FANCC: variants seen among roughly 807,000 people sequenced by gnomAD.
FANCC encodes FA complementation group C.
FANCC carries 55 observed loss-of-function variants against 71.3 expected under a neutral mutation model. The ratio of observed to expected loss-of-function variants is 0.77; its 90% confidence interval spans 0.62 to 0.97. The LOEUF (loss-of-function observed/expected upper bound fraction) is 0.97. Among genes scored for constraint, FANCC ranks in the 50% least tolerant of loss-of-function variants. The probability of loss-of-function intolerance (pLI) is 0.00; values close to 1 mark genes in which losing one functional copy is unlikely to be tolerated. For synonymous variants in FANCC, 275 were observed against 244.9 expected (o/e 1.12, Z -1.15); for missense variants, 678 against 670.9 (o/e 1.01, Z -0.12).
At chr9:95,129,295 AC>A (rs1161489794) in intron 8 of FANCC, among the ~76,000 whole-genome samples, 1 of 152,212 alleles carries the variant, frequency 6.6e-6, no homozygotes, top group Admixed American at 6.5e-5. Flanking sequence ...GGACTAGAGT[AC>A]TACAGGTCAG....
At position 95,099,342 on chromosome 9, in the gene FANCC, CA is replaced by C. The variant is rs2071005921; in HGVS notation, c.*2364del. Reference sequence around the variant, plus strand: ...CTGAAGACCTTGGTCCAGTTCCTTCCAGGGTGGCTTCACGCCTTGCCATCCC... The same window carrying C: ...CTGAAGACCTTGGTCCAGTTCCTTCCGGGTGGCTTCACGCCTTGCCATCCC... On this transcript the variant is annotated 3_prime_UTR_variant, in exon 15 of 15. Transcript: ENST00000289081. The C allele has an allele frequency of 4.4e-6, 1 of 227,744 alleles. No homozygotes were observed. The highest frequency in any genetic ancestry group is 8.7e-6 in the Non-Finnish European group (1 of 114,770). The allele number at this position is 227,744 out of a possible 1,614,324, so 14.1% of individuals were successfully genotyped here. A position where few individuals can be genotyped will look rare whatever the true frequency, so the allele number is the denominator to read the frequency against.
intron 10 of FANCC, chr9:95,123,804 G>A (rs1166284273): frequency 1.0e-5 from 7 of 693,808 alleles, no homozygotes; most frequent in Non-Finnish European, 1.9e-5. Context: ...CACAAGGACT[G>A]AACACCCCTA....
At chr9:95,240,498 A>G (rs1371099349) in intron 4 of FANCC, 151 bp downstream of exon 4, 1 of 623,040 alleles carries the variant, frequency 1.6e-6, no homozygotes, top group Non-Finnish European at 2.9e-6. Flanking sequence ...CTTTTTACTC[A>G]GCAAGATAAT....
chr9:95,284,939 C>T (rs905026767), intron 1 of FANCC, among the ~76,000 whole-genome samples: 5 of 151,060 alleles, frequency 3.3e-5, no homozygotes, highest in South Asian at 2.1e-4. Flanking sequence ...GAGAGAGACA[C>T]GCACACACAC....
chr9:95,122,944 G>T (rs1179734780), intron 10 of FANCC, among the ~76,000 whole-genome samples: 1 of 152,186 alleles, frequency 6.6e-6, no homozygotes, highest in Non-Finnish European at 1.5e-5. Flanking sequence ...CATGGATAGC[G>T]CAGCTTGCTA....
At chr9:95,128,609 TACTC>T (rs1332339468) in intron 8 of FANCC, among the ~76,000 whole-genome samples, 22 of 152,314 alleles carry the variant, frequency 1.4e-4, no homozygotes, top group Middle Eastern at 3.4e-3. Context: ...AGACAGCTCT[TACTC>T]AGTTTGTTAG....
At chr9:95,206,986 C>A (rs553353643) in intron 4 of FANCC, among the ~76,000 whole-genome samples, 1 of 152,090 alleles carries the variant, frequency 6.6e-6, no homozygotes, top group East Asian at 1.9e-4. Flanking sequence ...AATGGGAGTA[C>A]AACCAAACCC....
chr9:95,259,553 A>G (rs1831893524), intron 1 of FANCC, among the ~76,000 whole-genome samples: 1 of 152,232 alleles, frequency 6.6e-6, no homozygotes, highest in Non-Finnish European at 1.5e-5. Context: ...AAGATGCATT[A>G]AAGACTTAAA....
intron 4 of FANCC, among the ~76,000 whole-genome samples, chr9:95,174,225 G>A (rs991572864): frequency 1.3e-5 from 2 of 152,038 alleles, no homozygotes; most frequent in Non-Finnish European, 2.9e-5. Flanking sequence ...GCCCTCTAGA[G>A]GAAACGGACA....
intron 1 of FANCC, among the ~76,000 whole-genome samples, chr9:95,263,506 A>G (rs1388010682): frequency 6.8e-6 from 1 of 147,464 alleles, no homozygotes; most frequent in East Asian, 2.0e-4. Flanking sequence ...GTATGTGTAT[A>G]TATATATATA....
intron 14 of FANCC, among the ~76,000 whole-genome samples, chr9:95,104,380 C>T (rs1161158745): frequency 2.0e-5 from 3 of 152,192 alleles, no homozygotes; most frequent in Non-Finnish European, 4.4e-5. Flanking sequence ...TGGGAATGGG[C>T]TTCTGCTGTG....
chr9:95,264,039 G>A (rs1349690719), intron 1 of FANCC, among the ~76,000 whole-genome samples: 7 of 152,190 alleles, frequency 4.6e-5, no homozygotes, highest in Admixed American at 1.3e-4. Context: ...AACCTGAGGG[G>A]ACTGGCCAAC....
chr9:95,242,110 G>C (rs547311678), intron 3 of FANCC, among the ~76,000 whole-genome samples: 1 of 152,212 alleles, frequency 6.6e-6, no homozygotes, highest in South Asian at 2.1e-4. Flanking sequence ...CATAGCTTAT[G>C]CTTTTCCAAT....
chr9:95,197,076 C>T (rs770940371), intron 4 of FANCC, among the ~76,000 whole-genome samples: 1 of 152,144 alleles, frequency 6.6e-6, no homozygotes, highest in African/African-American at 2.4e-5. Flanking sequence ...TTTGCAATTG[C>T]TAAAAACAGA....
chr9:95,240,930 C>T (rs1450156519), intron 3 of FANCC, among the ~76,000 whole-genome samples, 187 bp from the exon 4 acceptor site: 3 of 152,130 alleles, frequency 2.0e-5, no homozygotes, highest in African/African-American at 4.8e-5. Context: ...GAATATTTTC[C>T]CTCACTCTAT....
chr9:95,246,897 C>T (rs929068551), intron 3 of FANCC, among the ~76,000 whole-genome samples: 1 of 152,112 alleles, frequency 6.6e-6, no homozygotes, highest in Non-Finnish European at 1.5e-5. Context: ...CAAAGTGCCC[C>T]CACATTCATC....
intron 1 of FANCC, among the ~76,000 whole-genome samples, chr9:95,288,153 A>C (rs1012515456): frequency 2.6e-5 from 4 of 152,200 alleles, no homozygotes; most frequent in African/African-American, 9.7e-5. Context: ...TGGAATAATT[A>C]TTTCTTTTAT....
chr9:95,250,515 T>C (rs554312066), intron 1 of FANCC, among the ~76,000 whole-genome samples: 1 of 152,338 alleles, frequency 6.6e-6, no homozygotes, highest in African/African-American at 2.4e-5. Context: ...CATGTTCACT[T>C]GGGCAGCACA....
At chr9:95,285,797 T>C (rs1833656929) in intron 1 of FANCC, among the ~76,000 whole-genome samples, 1 of 152,186 alleles carries the variant, frequency 6.6e-6, no homozygotes, top group Non-Finnish European at 1.5e-5. Context: ...CAAAAAACTT[T>C]GAATGTGTTT....
Sources: allele counts gnomAD v4.1 joint callset (sites outside exome capture counted in the v4.1 genomes callset), GRCh38; gene constraint gnomAD v4.1.1; transcripts MANE v1.5; gene names NCBI Gene and HGNC (gene_info 2026-07-23, HGNC 2026-07-21).